Variants in CNOT4 observed in about 807,000 individuals in gnomAD.
CNOT4 encodes the protein CCR4-NOT transcription complex subunit 4.
In CNOT4, 8 loss-of-function variants were observed where a neutral mutation model predicts 73.8. The observed-to-expected ratio is 0.11, with a 90% CI of 0.06 to 0.20. CNOT4 has a LOEUF of 0.20. Ranked by LOEUF, CNOT4 falls within the 10% of genes least tolerant of loss-of-function variation. The probability of loss-of-function intolerance (pLI) is 1.00; values close to 1 mark genes in which losing one functional copy is unlikely to be tolerated. For synonymous variants in CNOT4, 293 were observed against 321.1 expected (o/e 0.91, Z 0.94); for missense variants, 564 against 883.4 (o/e 0.64, Z 4.58).
chr7:135,471,256 T>G (rs1408911101), intron 1 of CNOT4, among the ~76,000 whole-genome samples: 3 of 151,624 alleles, frequency 2.0e-5, no homozygotes, highest in Non-Finnish European at 1.5e-5. Flanking sequence ...GAAACAGAGA[T>G]AAGAGATTCT....
chr7:135,428,450 T>C (rs1429811819), intron 2 of CNOT4, among the ~76,000 whole-genome samples: 3 of 152,206 alleles, frequency 2.0e-5, no homozygotes, highest in Non-Finnish European at 4.4e-5. Context: ...TGCTTATCTG[T>C]TTAAAAAATA....
chr7:135,500,840 G>T (rs1467672713), intron 1 of CNOT4, among the ~76,000 whole-genome samples: 1 of 152,124 alleles, frequency 6.6e-6, no homozygotes, highest in Non-Finnish European at 1.5e-5. Flanking sequence ...AGCAGGTAAG[G>T]CCTAAATTTC....
chr7:135,506,200 T>G (rs1804357248), intron 1 of CNOT4, among the ~76,000 whole-genome samples: 2 of 152,184 alleles, frequency 1.3e-5, no homozygotes, highest in African/African-American at 2.4e-5. Flanking sequence ...GTTAAACAAG[T>G]TTTATCCAAT....
chr7:135,390,255 T>C (rs1265918816), intron 10 of CNOT4, among the ~76,000 whole-genome samples: 1 of 152,130 alleles, frequency 6.6e-6, no homozygotes, highest in African/African-American at 2.4e-5. Flanking sequence ...AACATTTCCA[T>C]TGTTGAATTT....
At chr7:135,467,579 G>A (rs1229364281) in intron 1 of CNOT4, among the ~76,000 whole-genome samples, 1 of 152,158 alleles carries the variant, frequency 6.6e-6, no homozygotes, top group Non-Finnish European at 1.5e-5. Flanking sequence ...TGAGCATGGT[G>A]ACGTGCATGT....
chr7:135,498,880 T>C (rs1803770239), intron 1 of CNOT4, among the ~76,000 whole-genome samples: 1 of 152,156 alleles, frequency 6.6e-6, no homozygotes, highest in South Asian at 2.1e-4. Flanking sequence ...AGGTCCTGTA[T>C]GACAGAAAAA....
At chr7:135,458,165 T>C (rs1800661322) in intron 1 of CNOT4, among the ~76,000 whole-genome samples, 1 of 152,142 alleles carries the variant, frequency 6.6e-6, no homozygotes, top group Non-Finnish European at 1.5e-5. Flanking sequence ...ATTACCACTA[T>C]AAAGCAAGTC....
chr7:135,450,944 G>C (rs533417160), intron 1 of CNOT4, among the ~76,000 whole-genome samples: 1 of 152,108 alleles, frequency 6.6e-6, no homozygotes, highest in African/African-American at 2.4e-5. Flanking sequence ...GTGACAAAGT[G>C]AGACTGACTC....
At chr7:135,453,826 T>TTATATATATACATATA (rs1800337875) in intron 1 of CNOT4, among the ~76,000 whole-genome samples, 1 of 89,902 alleles carries the variant, frequency 1.1e-5, no homozygotes, top group Non-Finnish European at 2.3e-5. Context: ...TATATATATT[T>TTATATATATACATATA]TATATATATA....
rs377682050 is a variant in CNOT4 at position 135,378,255 on chromosome 7, G to C, written c.1628-14189C>G. Among the ~76,000 whole-genome samples the C allele has an allele frequency of 6.6e-5, 10 of 152,328 alleles. No homozygotes were observed. The East Asian group carries it at 1.5e-3, about 23-fold the overall frequency. ...GCAGTGGGTCACGCCTGTAATCCCA[G>C]CACTTTGGGAGGCCAAGGCAGGTGG... is the stretch of plus-strand genomic sequence containing the variant. On this transcript the variant is annotated intron_variant, in intron 10 of 11. Coordinates refer to ENST00000541284, the MANE Select transcript of CNOT4 (RefSeq NM_001190850.2).
At chr7:135,439,177 T>G (rs1412744012) in intron 1 of CNOT4, among the ~76,000 whole-genome samples, 1 of 152,220 alleles carries the variant, frequency 6.6e-6, no homozygotes, top group Non-Finnish European at 1.5e-5. Context: ...AAGCCACTGT[T>G]AGATTAAAAG....
intron 1 of CNOT4, among the ~76,000 whole-genome samples, chr7:135,505,714 TAAA>T (rs2129488370): frequency 6.6e-6 from 1 of 152,250 alleles, no homozygotes; most frequent in East Asian, 1.9e-4. Context: ...TCTTTTCTGA[TAAA>T]AAGAAAAATA....
intron 1 of CNOT4, among the ~76,000 whole-genome samples, chr7:135,457,193 GAAAA>G (rs1314338217): frequency 1.3e-5 from 2 of 151,820 alleles, no homozygotes; most frequent in Non-Finnish European, 2.9e-5. Context: ...ACTAGAGAGA[GAAAA>G]GAAAGAAGAC....
chr7:135,454,516 T>TA (rs35988493), intron 1 of CNOT4, among the ~76,000 whole-genome samples: 86,051 of 149,776 alleles, frequency 0.57, 24,834 homozygotes, highest in East Asian at 0.73. Context: ...ATTAAAAAAT[T>TA]AAAAAAAAAT....
intron 1 of CNOT4, among the ~76,000 whole-genome samples, chr7:135,505,615 T>C (rs1056544960): frequency 1.3e-5 from 2 of 152,094 alleles, no homozygotes; most frequent in Non-Finnish European, 2.9e-5. Context: ...AAAAATAAAC[T>C]CATACTCAAA....
At chr7:135,505,999 C>G (rs923546271) in intron 1 of CNOT4, among the ~76,000 whole-genome samples, 1 of 152,136 alleles carries the variant, frequency 6.6e-6, no homozygotes, top group Non-Finnish European at 1.5e-5. Context: ...TCTTTCCTTG[C>G]ATCACAAAAA....
chr7:135,498,735 GAC>G (rs1477243286), intron 1 of CNOT4, among the ~76,000 whole-genome samples: 2 of 152,094 alleles, frequency 1.3e-5, no homozygotes, highest in African/African-American at 4.8e-5. Context: ...TTTTAGTAGA[GAC>G]AGGGTTTCAC....
rs1796047722 is a variant in CNOT4 at position 135,384,936 on chromosome 7, G to GA, written c.1627+8981dup. 1.3e-5 allele frequency among the ~76,000 whole-genome samples: 2 copies of GA among 152,128 alleles called. 1 individual carries two copies. The highest frequency in any genetic ancestry group is 4.1e-4 in the South Asian group (2 of 4,820). ...GGGCTTCCATTCTGTACTTTTCTAT[G>GA]AAAGTTACATTTTTAAAGATCACCA... On this transcript the variant is annotated intron_variant, in intron 10 of 11. Coordinates refer to ENST00000541284, the MANE Select transcript of CNOT4 (RefSeq NM_001190850.2).
chr7:135,448,563 A>G (rs556892658), intron 1 of CNOT4, among the ~76,000 whole-genome samples: 1 of 148,648 alleles, frequency 6.7e-6, no homozygotes, highest in Non-Finnish European at 1.5e-5. Context: ...GAGGGAGGGA[A>G]GGAAGGAAGG....
Sources: allele counts gnomAD v4.1 joint callset (sites outside exome capture counted in the v4.1 genomes callset), GRCh38; gene constraint gnomAD v4.1.1; transcripts MANE v1.5; gene names NCBI Gene and HGNC (gene_info 2026-07-23, HGNC 2026-07-21).